Variants in PTPRT observed in about 807,000 individuals in gnomAD.
PTPRT encodes the protein receptor-type tyrosine-protein phosphatase T.
PTPRT carries 56 observed loss-of-function variants against 176.8 expected under a neutral mutation model. That is an observed-to-expected ratio of 0.32 (90% confidence interval 0.26 to 0.40). PTPRT has a LOEUF of 0.40. PTPRT is among the 10% of genes least tolerant of loss of function. The pLI is 1.00. For synonymous variants in PTPRT, 783 were observed against 739.0 expected (o/e 1.06, Z -0.96); for missense variants, 1,540 against 1,908.2 (o/e 0.81, Z 3.60).
At chr20:42,471,979 C>T (rs2145288319) in intron 8 of PTPRT, among the ~76,000 whole-genome samples, 2 of 152,138 alleles carry the variant, frequency 1.3e-5, no homozygotes. Context: ...TATAGCAATG[C>T]AAGAATGGTC....
At chr20:42,896,159 A>G (rs1408326789) in intron 1 of PTPRT, among the ~76,000 whole-genome samples, 1 of 152,152 alleles carries the variant, frequency 6.6e-6, no homozygotes. Context: ...TAGATAAGGA[A>G]ACTGAGGCAG....
chr20:42,534,119 C>T lies in PTPRT; in HGVS notation c.1154-61557G>A, dbSNP rs112888728. Among the ~76,000 whole-genome samples, 526 of 152,300 alleles carry T rather than the reference C, an allele frequency of 3.5e-3. 2 individuals carry two copies. The highest frequency in any genetic ancestry group is 0.012 in the African/African-American group (486 of 41,580). ...CAAAAGATGAGCAGACAGGTGTCTG[C>T]ATTTTCTTCCTGTAGACCAGTGAGG... On this transcript the variant is annotated intron_variant, in intron 7 of 30. Transcript: ENST00000373187.
At chr20:43,128,285 G>T (rs1443091047) in intron 1 of PTPRT, among the ~76,000 whole-genome samples, 2 of 152,174 alleles carry the variant, frequency 1.3e-5, no homozygotes, top group Non-Finnish European at 2.9e-5. Flanking sequence ...CAGATACAAA[G>T]AAACGTCAGA....
chr20:42,855,429 C>CTTTTCATGCT (rs2078544169), intron 2 of PTPRT, among the ~76,000 whole-genome samples: 1 of 115,686 alleles, frequency 8.6e-6, no homozygotes, highest in African/African-American at 3.8e-5. Context: ...TATGTTCATG[C>CTTTTCATGCT]TTTTTTTTTT....
chr20:42,617,826 CTCTT>C (rs1252054972), intron 7 of PTPRT, among the ~76,000 whole-genome samples: 2 of 138,742 alleles, frequency 1.4e-5, no homozygotes, highest in Non-Finnish European at 3.0e-5. Flanking sequence ...TGATTCTTCT[CTCTT>C]TTTTTCTTTA....
intron 2 of PTPRT, among the ~76,000 whole-genome samples, chr20:42,836,252 A>G (rs902440326): frequency 6.6e-6 from 1 of 151,750 alleles, no homozygotes; most frequent in Non-Finnish European, 1.5e-5. Flanking sequence ...CCCACCCCAG[A>G]CCCTCCATCC....
chr20:42,626,461 A>G (rs2074290761), intron 7 of PTPRT, among the ~76,000 whole-genome samples: 1 of 152,210 alleles, frequency 6.6e-6, no homozygotes. Context: ...AATTTGCTCA[A>G]TAACAACCAA....
At chr20:42,293,419 C>T (rs1465314432) in intron 12 of PTPRT, among the ~76,000 whole-genome samples, 1 of 152,126 alleles carries the variant, frequency 6.6e-6, no homozygotes, top group East Asian at 1.9e-4. Context: ...TTAAGTCATT[C>T]TACCTTCCAG....
At chr20:42,404,413 A>T (rs75430542) in intron 9 of PTPRT, among the ~76,000 whole-genome samples, 1,920 of 152,238 alleles carry the variant, frequency 0.013, 41 homozygotes, top group African/African-American at 0.044. Flanking sequence ...TTCAACCATC[A>T]TTCTTAAACA....
chr20:43,080,371 T>C (rs1053496215), intron 1 of PTPRT, among the ~76,000 whole-genome samples: 2 of 152,228 alleles, frequency 1.3e-5, no homozygotes, highest in African/African-American at 4.8e-5. Context: ...AATCAACCTT[T>C]GTTATCATAA....
chr20:42,710,869 AG>A (rs2076134327), intron 6 of PTPRT, among the ~76,000 whole-genome samples: 1 of 152,252 alleles, frequency 6.6e-6, no homozygotes, highest in Non-Finnish European at 1.5e-5. Context: ...CCACAGGGAC[AG>A]GAATGCCCAA....
At chr20:42,517,683 T>C (rs1047911801) in intron 7 of PTPRT, among the ~76,000 whole-genome samples, 8 of 152,066 alleles carry the variant, frequency 5.3e-5, no homozygotes, top group African/African-American at 1.7e-4. Flanking sequence ...TGACATATAA[T>C]AGTTTCATTA....
At chr20:42,429,358 G>A (rs148742083) in intron 9 of PTPRT, among the ~76,000 whole-genome samples, 126 of 152,284 alleles carry the variant, frequency 8.3e-4, no homozygotes, top group Non-Finnish European at 1.6e-3. Context: ...GTATCGTGGA[G>A]GAGTGAACTA....
At chr20:42,271,622 A>G (rs1199989464) in intron 13 of PTPRT, among the ~76,000 whole-genome samples, 2 of 152,224 alleles carry the variant, frequency 1.3e-5, no homozygotes, top group Non-Finnish European at 2.9e-5. Context: ...ATGAATGAAG[A>G]AATGTTGAAT....
chr20:42,992,664 T>C (rs1983985133), intron 1 of PTPRT, among the ~76,000 whole-genome samples: 1 of 152,236 alleles, frequency 6.6e-6, no homozygotes, highest in African/African-American at 2.4e-5. Context: ...AGTTACCTAT[T>C]GCTGCATAAC....
At chr20:42,114,746 T>G (rs1177659518) in intron 22 of PTPRT, among the ~76,000 whole-genome samples, 1 of 152,192 alleles carries the variant, frequency 6.6e-6, no homozygotes, top group Non-Finnish European at 1.5e-5. Flanking sequence ...ATGCCCCCGG[T>G]TGAGACCACA....
intron 7 of PTPRT, among the ~76,000 whole-genome samples, chr20:42,673,147 AAG>A (rs1300195493): frequency 6.6e-6 from 1 of 152,156 alleles, no homozygotes; most frequent in Non-Finnish European, 1.5e-5. Context: ...TCCTGTGGTG[AAG>A]AGTTTCTCTG....
intron 7 of PTPRT, among the ~76,000 whole-genome samples, chr20:42,542,512 TGTATACTTTG>T (rs1450092591): frequency 4.6e-5 from 7 of 152,160 alleles, no homozygotes; most frequent in Non-Finnish European, 1.0e-4. Flanking sequence ...AAGTTAAAAA[TGTATACTTTG>T]TTGTGAGGAT....
intron 7 of PTPRT, among the ~76,000 whole-genome samples, chr20:42,656,667 G>T (rs780469692): frequency 1.3e-5 from 2 of 152,068 alleles, no homozygotes; most frequent in Non-Finnish European, 2.9e-5. Flanking sequence ...ATTTATTCCA[G>T]GAAAAAATAT....
Sources: allele counts gnomAD v4.1 joint callset (sites outside exome capture counted in the v4.1 genomes callset), GRCh38; gene constraint gnomAD v4.1.1; transcripts MANE v1.5; gene names NCBI Gene and HGNC (gene_info 2026-07-23, HGNC 2026-07-21).